The following GLE1 variants were observed in gnomAD, a reference collection of about 807,000 sequenced individuals.
GLE1 encodes the protein GLE1 RNA export mediator.
A neutral mutation model predicts 97.3 loss-of-function variants in GLE1; 78 were observed. The observed-to-expected ratio is 0.80, with a 90% CI of 0.67 to 0.97. The LOEUF (loss-of-function observed/expected upper bound fraction) is 0.97, where lower values mean the gene tolerates loss of function less well. Among genes scored for constraint, GLE1 ranks in the 50% least tolerant of loss-of-function variants. The pLI, the probability that GLE1 is intolerant of heterozygous loss-of-function variation, is 0.00. For synonymous variants in GLE1, 302 were observed against 313.4 expected, an observed-to-expected ratio of 0.96 and a Z score of 0.39; for missense variants, 753 against 857.5, an observed-to-expected ratio of 0.88 and a Z score of 1.52.
chr9:128,523,447 T>G, intron 5 of GLE1, 107 bp downstream of exon 5: 1 of 1,365,962 alleles, frequency 7.3e-7, no homozygotes, highest in Non-Finnish European at 1.0e-6. Context: ...GGCCGTATTA[T>G]GCCTGTGTAT....
chr9:128,533,354 C>T (rs879418552), intron 9 of GLE1, among the ~76,000 whole-genome samples, 159 bp from the exon 10 acceptor site: 1 of 139,356 alleles, frequency 7.2e-6, no homozygotes, highest in Non-Finnish European at 1.5e-5. Context: ...TGCTTCAACT[C>T]GGGAGACGGA....
chr9:128,536,916 T>G, intron 12 of GLE1: 1 of 197,248 alleles, frequency 5.1e-6, no homozygotes, highest in Non-Finnish European at 1.1e-5. Context: ...TCTCAGGGAA[T>G]ACAGATTAGA....
At chr9:128,509,831 A>T (rs1459655270) in intron 2 of GLE1, among the ~76,000 whole-genome samples, 1 of 151,632 alleles carries the variant, frequency 6.6e-6, no homozygotes, top group Non-Finnish European at 1.5e-5. Flanking sequence ...TGGTGGCTCG[A>T]GCTTGTTGTC....
At chr9:128,517,318 GTC>G in intron 3 of GLE1, among the ~76,000 whole-genome samples, 1 of 151,954 alleles carries the variant, frequency 6.6e-6, no homozygotes, top group East Asian at 1.9e-4. Context: ...GAAAATGAAA[GTC>G]TTCTAACATC....
intron 1 of GLE1, among the ~76,000 whole-genome samples, chr9:128,506,962 A>G (rs1022799956): frequency 1.3e-5 from 2 of 151,780 alleles, no homozygotes; most frequent in African/African-American, 2.4e-5. Flanking sequence ...TCTCTGAACT[A>G]CTCTAGTTTT....
At chr9:128,509,579 C>T (rs1432089220) in intron 2 of GLE1, among the ~76,000 whole-genome samples, 1 of 151,634 alleles carries the variant, frequency 6.6e-6, no homozygotes, top group Admixed American at 6.6e-5. Flanking sequence ...TCAGAAGACC[C>T]CTCTCTCTCA....
intron 15 of GLE1, chr9:128,540,762 A>G (rs1847862763): frequency 2.7e-6 from 1 of 374,524 alleles, no homozygotes; most frequent in East Asian, 5.8e-5. Context: ...TAATTTTGAC[A>G]AAGAATTTAG....
At chr9:128,534,450 AGTC>A (rs898941299) in intron 11 of GLE1, among the ~76,000 whole-genome samples, 4 of 152,180 alleles carry the variant, frequency 2.6e-5, no homozygotes. Context: ...AGGTGCCAGT[AGTC>A]AATGTAGTTT....
Position 128,537,979 on chromosome 9 carries a change from C to T in GLE1, c.1777-7C>T, listed in dbSNP as rs1847770953. The T allele has an allele frequency of 3.3e-6, 5 of 1,525,834 alleles. No individual in the cohort carries two copies. The South Asian group carries it at 5.6e-5, about 17-fold the overall frequency. 94.5% of individuals were successfully genotyped at this position (1,525,834 alleles called of 1,614,324 possible). On this transcript the variant is annotated splice_polypyrimidine_tract_variant and splice_region_variant and intron_variant, in intron 12 of 15. Coordinates refer to ENST00000309971, the MANE Select transcript of GLE1 (RefSeq NM_001003722.2). ...GATCAATGATAACCAAGCTTCTCTACTCCCAGATTCACCCTCATGGCTTAA... is the reference window on the plus strand; with the variant it reads ...GATCAATGATAACCAAGCTTCTCTATTCCCAGATTCACCCTCATGGCTTAA...
chr9:128,504,712 C>G, upstream of GLE1: 1 of 885,360 alleles, frequency 1.1e-6, no homozygotes, highest in Non-Finnish European at 1.9e-6. Flanking sequence ...GCGCGCGTCC[C>G]GGAAGCAGAA....
intron 2 of GLE1, among the ~76,000 whole-genome samples, chr9:128,514,783 C>T (rs1235097512): frequency 6.6e-6 from 1 of 152,054 alleles, no homozygotes; most frequent in Non-Finnish European, 1.5e-5. Flanking sequence ...TTGTAATCCG[C>T]CCACCACAGC....
intron 13 of GLE1, among the ~76,000 whole-genome samples, chr9:128,538,520 G>A (rs1847790908): frequency 6.6e-6 from 1 of 152,126 alleles, no homozygotes; most frequent in Admixed American, 6.6e-5. Flanking sequence ...ATAAAGGCCG[G>A]GCACGGTGGC....
At chr9:128,510,311 T>C (rs7864449) in intron 2 of GLE1, among the ~76,000 whole-genome samples, 48,888 of 150,670 alleles carry the variant, frequency 0.32, 9,236 homozygotes, top group African/African-American at 0.52. Flanking sequence ...TCACTGCAAC[T>C]TCCGCCTCCC....
At chr9:128,520,419 T>C (rs1271753379) in intron 3 of GLE1, among the ~76,000 whole-genome samples, 7 of 148,024 alleles carry the variant, frequency 4.7e-5, no homozygotes, top group Non-Finnish European at 1.0e-4. Flanking sequence ...TGTATATATA[T>C]GTATATATGT....
Position 128,504,834 on chromosome 9 carries a change from C to T in GLE1, c.29C>T (p.Thr10Ile). Residue 10 changes from threonine (T) to isoleucine (I), a missense_variant, in exon 1 of 16, where the codon ACC becomes ATC. Physicochemically the swap from Thr to Ile is moderately conservative, Grantham distance 89 (BLOSUM62 -1). Transcript: ENST00000309971. The stretch of plus-strand genomic sequence containing the variant: ...CCGTCTGAGGGTCGCTGCTGGGAGA[C>T]CTTGAAGGCCCTACGCAGTTCCGAC... Reference protein sequence around the residue: MPSEGRCWETLKALRSSDKG... With the variant: MPSEGRCWEILKALRSSDKG... The T allele has an allele frequency of 6.2e-7, 1 of 1,612,842 alleles. No individual in the cohort carries two copies. The highest frequency in any genetic ancestry group is 1.1e-5 in the South Asian group (1 of 91,076).
rs1294266288 is a variant in GLE1 at position 128,522,775 on chromosome 9, G to T, written c.540G>T (p.Gln180His). ...KRFDEWKELK[Q>H]HKEFQDLREV... ...TTGATGAATGGAAGGAACTGAAGCAGCATAAAGAATTCCAGGACTTGCGGG... is the reference window on the plus strand; with the variant it reads ...TTGATGAATGGAAGGAACTGAAGCATCATAAAGAATTCCAGGACTTGCGGG... The change falls in exon 4 of 16, where the codon CAG (glutamine) becomes CAT (histidine). Residue 180 changes from glutamine to histidine, a missense_variant. Gln to His is a conservative substitution (Grantham distance 24). Coordinates refer to ENST00000309971, the MANE Select transcript of GLE1 (RefSeq NM_001003722.2). The T allele has an allele frequency of 6.2e-7, 1 of 1,613,944 alleles. No individual in the cohort carries two copies.
chr9:128,509,880 G>A (rs1366841552), intron 2 of GLE1, among the ~76,000 whole-genome samples: 1 of 152,198 alleles, frequency 6.6e-6, no homozygotes, highest in East Asian at 1.9e-4. Flanking sequence ...GATCACTTGA[G>A]CCCAGGAGTT....
chr9:128,540,829 G>A lies in GLE1; in HGVS notation c.2029-273G>A, dbSNP rs575468721. ...CTGACTTTTCAGCTTCTCAAAGCTC[G>A]ATTGTGAAAATAGTGATTGTGAAAG... On this transcript the variant is annotated intron_variant, in intron 15 of 15. Coordinates refer to ENST00000309971, the MANE Select transcript of GLE1 (RefSeq NM_001003722.2). 1.1e-4 allele frequency: 51 copies of A among 479,794 alleles called. No individual in the cohort carries two copies. The South Asian group carries it at 1.1e-3, about 10-fold the overall frequency. 29.7% of individuals were successfully genotyped at this position (479,794 alleles called of 1,614,324 possible). A position where few individuals can be genotyped will look rare whatever the true frequency, so the allele number is the denominator to read the frequency against.
intron 9 of GLE1, among the ~76,000 whole-genome samples, chr9:128,532,119 G>C (rs1372013983): frequency 6.7e-6 from 1 of 149,386 alleles, no homozygotes; most frequent in African/African-American, 2.5e-5. Context: ...TTAGGAACTT[G>C]ACAGGGTATT....
Sources: allele counts gnomAD v4.1 joint callset (sites outside exome capture counted in the v4.1 genomes callset), GRCh38; gene constraint gnomAD v4.1.1; transcripts MANE v1.5; gene names NCBI Gene and HGNC (gene_info 2026-07-23, HGNC 2026-07-21).